The following NEXN variants were observed in gnomAD, a reference collection of about 807,000 sequenced individuals.
NEXN encodes the protein nexilin F-actin binding protein.
A neutral mutation model predicts 92.6 loss-of-function variants in NEXN; 65 were observed. That is an observed-to-expected ratio of 0.70 (90% CI 0.57 to 0.86). The LOEUF (loss-of-function observed/expected upper bound fraction) is 0.86, where lower values mean the gene tolerates loss of function less well. Among genes scored for constraint, NEXN ranks in the 40% least tolerant of loss-of-function variants. The probability of loss-of-function intolerance (pLI) is 0.00; values close to 1 mark genes in which losing one functional copy is unlikely to be tolerated. For missense variants in NEXN, 778 were observed against 771.1 expected, an observed-to-expected ratio of 1.01 and a Z score of -0.11; for synonymous variants, 254 against 242.5, an observed-to-expected ratio of 1.05 and a Z score of -0.44.
chr1:77,901,474 C>T (rs923478959), intron 1 of NEXN, among the ~76,000 whole-genome samples: 2 of 151,798 alleles, frequency 1.3e-5, no homozygotes, highest in African/African-American at 4.8e-5. Context: ...ATAAACAAAA[C>T]CTCTATTATA....
intron 10 of NEXN, 33 bp from the exon 11 acceptor site, chr1:77,935,790 C>G: frequency 6.3e-7 from 1 of 1,579,734 alleles, no homozygotes; most frequent in South Asian, 1.1e-5. Flanking sequence ...CTCTCAAAAA[C>G]AGCAGCAACA....
At chr1:77,918,101 A>C in intron 4 of NEXN, 24 bp from the exon 5 acceptor site, 2 of 1,613,522 alleles carry the variant, frequency 1.2e-6, no homozygotes, top group Non-Finnish European at 1.7e-6. Context: ...CCAAGTATCA[A>C]ACTTTTTTTT....
intron 2 of NEXN, among the ~76,000 whole-genome samples, chr1:77,917,092 G>A (rs1165812275): frequency 6.6e-6 from 1 of 152,178 alleles, no homozygotes; most frequent in Non-Finnish European, 1.5e-5. Flanking sequence ...TAGAAACCAG[G>A]AAGGGGGTAA....
At chr1:77,890,564 T>C (rs1349267633) in intron 1 of NEXN, among the ~76,000 whole-genome samples, 1 of 152,138 alleles carries the variant, frequency 6.6e-6, no homozygotes, top group Non-Finnish European at 1.5e-5. Flanking sequence ...ACAGTCTTTT[T>C]CCCCTGAAAT....
At chr1:77,921,823 A>G (rs2102106706) in intron 5 of NEXN, among the ~76,000 whole-genome samples, 1 of 152,106 alleles carries the variant, frequency 6.6e-6, no homozygotes, top group African/African-American at 2.4e-5. Flanking sequence ...CGGTGGGAGG[A>G]TGATCGCCTC....
intron 1 of NEXN, among the ~76,000 whole-genome samples, chr1:77,909,554 A>G (rs1295899746): frequency 2.0e-5 from 3 of 152,330 alleles, no homozygotes; most frequent in East Asian, 3.9e-4. Context: ...TAGGTTACTC[A>G]TAAACCTTAG....
At chr1:77,932,795 A>C (rs1175349324) in intron 9 of NEXN, among the ~76,000 whole-genome samples, 1 of 152,168 alleles carries the variant, frequency 6.6e-6, no homozygotes, top group East Asian at 1.9e-4. Flanking sequence ...CCTTTTATTT[A>C]TTTATTTTTG....
intron 11 of NEXN, among the ~76,000 whole-genome samples, chr1:77,937,108 C>G (rs1425206833): frequency 6.7e-6 from 1 of 149,954 alleles, no homozygotes; most frequent in Non-Finnish European, 1.5e-5. Flanking sequence ...CATTTCAAGA[C>G]CAGCCTGGGC....
In NEXN at chr1:77,943,252, C is replaced by CA. The variant is rs1651557552; in HGVS notation, c.*426dup. On this transcript the variant is annotated 3_prime_UTR_variant, in exon 13 of 13. Coordinates refer to ENST00000334785, the MANE Select transcript of NEXN (RefSeq NM_144573.4). ...AAAACAAAAACAAAAAAAAAACACA[C>CA]AAACCTAAGTAGAATACATTATTTT... The CA allele has an allele frequency of 4.3e-6, 1 of 229,912 alleles. No homozygotes were observed. The allele number at this position is 229,912 out of a possible 1,614,324, so 14.2% of individuals were successfully genotyped here.
At chr1:77,918,101 A>G (rs766570202) in intron 4 of NEXN, 24 bp from the exon 5 acceptor site, 10 of 1,613,404 alleles carry the variant, frequency 6.2e-6, no homozygotes, top group Admixed American at 1.7e-5. Flanking sequence ...CCAAGTATCA[A>G]ACTTTTTTTT....
chr1:77,892,053 A>G (rs1204027840), intron 1 of NEXN, among the ~76,000 whole-genome samples: 4 of 152,014 alleles, frequency 2.6e-5, no homozygotes, highest in Non-Finnish European at 5.9e-5. Flanking sequence ...ACTGCACTCC[A>G]GCCTAAGCAA....
At chr1:77,914,404 T>TA (rs970806367) in intron 1 of NEXN, among the ~76,000 whole-genome samples, 5 of 151,616 alleles carry the variant, frequency 3.3e-5, no homozygotes, top group African/African-American at 1.2e-4. Context: ...GCTGTGAACC[T>TA]AAAATAAACT....
rs1647028904 is a variant in NEXN at position 77,888,686 on chromosome 1, C to G, written c.-126C>G. The G allele has an allele frequency of 6.4e-6, 1 of 156,630 alleles. No individual in the cohort carries two copies. The highest frequency in any genetic ancestry group is 2.4e-5 in the African/African-American group (1 of 41,486). The allele number at this position is 156,630 out of a possible 1,614,324, so 9.7% of individuals were successfully genotyped here. A position where few individuals can be genotyped will look rare whatever the true frequency, so the allele number is the denominator to read the frequency against. On this transcript the variant is annotated 5_prime_UTR_variant, in exon 1 of 13. Coordinates refer to ENST00000334785, the MANE Select transcript of NEXN (RefSeq NM_144573.4). ...GCGGCCAGAGCTCCCAGACCCCTAC[C>G]CACAGCCAGGCGGGACGCGCACAGT... is the stretch of plus-strand genomic sequence containing the variant.
At chr1:77,905,045 C>T (rs1280179381) in intron 1 of NEXN, among the ~76,000 whole-genome samples, 2 of 152,098 alleles carry the variant, frequency 1.3e-5, no homozygotes, top group Non-Finnish European at 1.5e-5. Context: ...GGGCGGATCA[C>T]GAGGTCAAGA....
rs779713548 is a variant in NEXN at position 77,916,096 on chromosome 1, A to G, written c.-11A>G. ...AGCTTCATAATCAGCCCAAGACCAC[A>G]TAGAGCAAACATGAATGATATTTCC... is the stretch of plus-strand genomic sequence containing the variant. On this transcript the variant is annotated 5_prime_UTR_variant, in exon 2 of 13. Transcript: ENST00000334785. 5 of 1,605,654 alleles carry G rather than the reference A, an allele frequency of 3.1e-6. No homozygotes were observed. Among genetic ancestry groups the G allele is most frequent in the Admixed American group, 1.7e-5 (1 of 59,812 alleles).
intron 1 of NEXN, among the ~76,000 whole-genome samples, chr1:77,897,601 A>G (rs1647334301): frequency 6.6e-6 from 1 of 152,092 alleles, no homozygotes; most frequent in East Asian, 1.9e-4. Flanking sequence ...AACTGGCACA[A>G]GACAGGGATG....
chr1:77,929,432 GA>G lies in NEXN; in HGVS notation c.984del (p.Ala329GlnfsTer9). 1 of 1,613,532 alleles carries G rather than the reference GA, an allele frequency of 6.2e-7. No individual in the cohort carries two copies. The highest frequency in any genetic ancestry group is 1.3e-5 in the African/African-American group (1 of 75,018). Reference protein sequence around the residue: ...ERQRREDEKRKAEEEARRRIE... With the variant: ...ERQRREDEKRXAEEEARRRIE... ...GGCAAAGAAGAGAAGATGAAAAAAGGAAAGCAGAAGAAGAAGCCAGAAGGAG... is the reference window on the plus strand; with the variant it reads ...GGCAAAGAAGAGAAGATGAAAAAAGGAAGCAGAAGAAGAAGCCAGAAGGAG... On this transcript the variant is annotated frameshift_variant, in exon 9 of 13. Transcript: ENST00000334785. LOFTEE classifies it high-confidence loss of function.
In NEXN at chr1:77,898,184, A is replaced by G. The variant is rs185637001; in HGVS notation, c.-53+9425A>G. The stretch of plus-strand genomic sequence containing the variant: ...ACTTTAAAGTTCATATGGAACCAAA[A>G]AAGAACCCGCATCACCAAGCCAATC... On this transcript the variant is annotated intron_variant, in intron 1 of 12. Transcript: ENST00000334785. Among the ~76,000 whole-genome samples, 23 of 152,338 alleles carry G rather than the reference A, an allele frequency of 1.5e-4. No homozygotes were observed. The East Asian group carries it at 4.2e-3, about 28-fold the overall frequency.
In NEXN at chr1:77,918,242, T is replaced by C. The variant is rs774362262; in HGVS notation, c.416T>C (p.Ile139Thr). The change falls in exon 5 of 13, where the codon ATA (isoleucine) becomes ACA (threonine). Residue 139 changes from isoleucine to threonine, a missense_variant. Physicochemically the swap from Ile to Thr is moderately conservative, Grantham distance 89. This residue lies in a region of NEXN where 236 missense variants were observed against 265.6 expected (regional missense o/e 0.89). Coordinates refer to ENST00000334785, the MANE Select transcript of NEXN (RefSeq NM_144573.4). ...CAGGATATGTTAGAAAAGAGGAAAA[T>C]ACAGCGTGAATTAGCAAAAAGGGCT... is the stretch of plus-strand genomic sequence containing the variant. ...IEQDMLEKRK[I>T]QRELAKRAEQ... The C allele has an allele frequency of 1.3e-5, 21 of 1,613,908 alleles. No individual in the cohort carries two copies. Among genetic ancestry groups the C allele is most frequent in the South Asian group, 4.4e-5 (4 of 91,082 alleles).
Sources: gnomAD v4.1 joint callset for allele counts (sites outside exome capture counted in the v4.1 genomes callset) on GRCh38, gnomAD v4.1.1 for gene constraint, gnomAD v4.1.1 regional missense constraint, MANE v1.5 for transcripts, NCBI Gene and HGNC (gene_info 2026-07-23, HGNC 2026-07-21) for gene names.